The following CYTIP variants were observed in gnomAD, a reference collection of about 807,000 sequenced individuals.
CYTIP encodes the protein cytohesin 1 interacting protein.
A neutral mutation model predicts 43.8 loss-of-function variants in CYTIP; 26 were observed. That is an observed-to-expected ratio of 0.59 (90% CI 0.44 to 0.82). The LOEUF is 0.82. Among genes scored for constraint, CYTIP ranks in the 40% least tolerant of loss-of-function variants. The pLI, the probability that CYTIP is intolerant of heterozygous loss-of-function variation, is 0.00. For missense variants in CYTIP, 426 were observed against 443.1 expected (o/e 0.96, Z 0.35); for synonymous variants, 162 against 162.9 (o/e 0.99, Z 0.04).
intron 1 of CYTIP, among the ~76,000 whole-genome samples, chr2:157,440,428 A>G (rs75472264): frequency 6.6e-6 from 1 of 152,212 alleles, no homozygotes; most frequent in African/African-American, 2.4e-5. Flanking sequence ...ATGCCACAAT[A>G]CAGATTAAAG....
rs753255940 is a variant in CYTIP, at chr2:157,430,885, T to C, written c.357A>G (p.Pro119=). The C allele has an allele frequency of 6.2e-7, 1 of 1,612,958 alleles. No individual in the cohort carries two copies. The highest frequency in any genetic ancestry group is 8.5e-7 in the Non-Finnish European group (1 of 1,179,742). The change falls in exon 4 of 8, where the codon CCA becomes CCG. Residue 119 remains proline, a synonymous_variant. Coordinates refer to ENST00000264192, the MANE Select transcript of CYTIP (RefSeq NM_004288.5). ...TLICKIQEDS[P]AHCAGLQAGD... Reference sequence around the variant, plus strand: ...CAGCTTGCAGGCCAGCACAGTGAGCTGGGCTGTCCTCCTGTATTTTGCATA... The same window carrying C: ...CAGCTTGCAGGCCAGCACAGTGAGCCGGGCTGTCCTCCTGTATTTTGCATA...
intron 1 of CYTIP, among the ~76,000 whole-genome samples, chr2:157,441,556 G>A (rs1220129551): frequency 6.6e-6 from 1 of 151,602 alleles, no homozygotes; most frequent in Non-Finnish European, 1.5e-5. Context: ...ATTAGTATGG[G>A]GATGTGTGTG....
intron 3 of CYTIP, chr2:157,434,020 A>C (rs1364342988): frequency 3.4e-6 from 1 of 292,898 alleles, no homozygotes; most frequent in Non-Finnish European, 6.4e-6. Context: ...ATGATTATAC[A>C]AAACACATGC....
At chr2:157,419,507 G>A (rs1010511887) in intron 6 of CYTIP, among the ~76,000 whole-genome samples, 15 of 152,180 alleles carry the variant, frequency 9.9e-5, no homozygotes, top group Non-Finnish European at 1.9e-4. Context: ...ATCCCACAGA[G>A]GGGACTGAGG....
chr2:157,424,404 T>C (rs190553319), intron 6 of CYTIP, among the ~76,000 whole-genome samples: 38 of 152,264 alleles, frequency 2.5e-4, no homozygotes, highest in Admixed American at 1.8e-3. Flanking sequence ...ATAAGACCTA[T>C]ATGCATAAAA....
At chr2:157,421,141 T>C (rs573896248) in intron 6 of CYTIP, among the ~76,000 whole-genome samples, 1 of 152,352 alleles carries the variant, frequency 6.6e-6, no homozygotes, top group African/African-American at 2.4e-5. Flanking sequence ...GGTCTGTTTC[T>C]GCCTGTGTTA....
chr2:157,440,340 C>G (rs1455956603), intron 1 of CYTIP, among the ~76,000 whole-genome samples: 2 of 152,224 alleles, frequency 1.3e-5, no homozygotes, highest in African/African-American at 4.8e-5. Context: ...AACCGAAATA[C>G]AATACCGCCA....
At chr2:157,438,055 C>T (rs572059351) in intron 1 of CYTIP, among the ~76,000 whole-genome samples, 51 of 152,242 alleles carry the variant, frequency 3.3e-4, no homozygotes, top group African/African-American at 1.1e-3. Context: ...ATCATTATAT[C>T]GAAGAGACAT....
intron 1 of CYTIP, among the ~76,000 whole-genome samples, chr2:157,439,582 A>G (rs1685871147): frequency 6.6e-6 from 1 of 152,190 alleles, no homozygotes; most frequent in Non-Finnish European, 1.5e-5. Flanking sequence ...TAAGGGTTGT[A>G]GTGATGGCGC....
At chr2:157,438,054 T>C (rs1685841379) in intron 1 of CYTIP, among the ~76,000 whole-genome samples, 1 of 152,184 alleles carries the variant, frequency 6.6e-6, no homozygotes, top group Non-Finnish European at 1.5e-5. Context: ...AATCATTATA[T>C]CGAAGAGACA....
intron 1 of CYTIP, 102 bp from the exon 2 acceptor site, chr2:157,434,849 TCACACACACA>T (rs1214076041): frequency 5.5e-4 from 27 of 48,720 alleles, no homozygotes; most frequent in African/African-American, 2.3e-3. Context: ...TCTCTCTCTC[TCACACACACA>T]CACACACACA....
chr2:157,436,117 C>T (rs2105144583), intron 1 of CYTIP, among the ~76,000 whole-genome samples: 1 of 152,290 alleles, frequency 6.6e-6, no homozygotes, highest in East Asian at 1.9e-4. Flanking sequence ...GGCTTCAACT[C>T]ACTTATATCG....
Position 157,415,884 on chromosome 2 carries a change from A to T in CYTIP, c.873T>A (p.Asp291Glu). 6.2e-7 allele frequency: 1 copy of T among 1,614,232 alleles called. No individual in the cohort carries two copies. Among genetic ancestry groups the T allele is most frequent in the South Asian group, 1.1e-5 (1 of 91,082 alleles). Residue 291 changes from aspartate to glutamate, a missense_variant, in exon 8 of 8, where the codon GAT becomes GAA. Coordinates refer to ENST00000264192, the MANE Select transcript of CYTIP (RefSeq NM_004288.5). ...DDECFIPKEG[D>E]DFLRRSSSRR... Reference sequence around the variant, plus strand: ...TTGAAGATGACCTCCTCAGAAAATCATCCCCCTCCTTGGGGATAAAGCACT... The same window carrying T: ...TTGAAGATGACCTCCTCAGAAAATCTTCCCCCTCCTTGGGGATAAAGCACT...
chr2:157,441,032 C>A (rs1419162548), intron 1 of CYTIP, among the ~76,000 whole-genome samples: 1 of 151,880 alleles, frequency 6.6e-6, no homozygotes, highest in Non-Finnish European at 1.5e-5. Context: ...ATAATATGCA[C>A]ACAGAGAAAT....
At chr2:157,433,652 C>T (rs1443874204) in intron 3 of CYTIP, among the ~76,000 whole-genome samples, 1 of 151,916 alleles carries the variant, frequency 6.6e-6, no homozygotes, top group African/African-American at 2.4e-5. Flanking sequence ...GGTTAGACTT[C>T]ATTTGACCTA....
chr2:157,440,645 A>G (rs1242287753), intron 1 of CYTIP, among the ~76,000 whole-genome samples: 2 of 152,150 alleles, frequency 1.3e-5, no homozygotes, highest in African/African-American at 4.8e-5. Context: ...CACATTCCCT[A>G]TCTGAACTTA....
At chr2:157,432,884 G>A (rs940573282) in intron 3 of CYTIP, among the ~76,000 whole-genome samples, 1 of 152,106 alleles carries the variant, frequency 6.6e-6, no homozygotes, top group African/African-American at 2.4e-5. Flanking sequence ...TATACCAGAG[G>A]GAATTTACAG....
chr2:157,442,003 T>C lies in CYTIP; in HGVS notation c.174+1844A>G, dbSNP rs1279777088. 2.6e-5 allele frequency among the ~76,000 whole-genome samples: 4 copies of C among 152,126 alleles called. 1 individual carries two copies. The highest frequency in any genetic ancestry group is 9.7e-5 in the African/African-American group (4 of 41,424). ...AAAGCAGCCCAGCGCTGAGATCTCC[T>C]CTCACCTCCTACACACTAACCAGGT... On this transcript the variant is annotated intron_variant, in intron 1 of 7. Coordinates refer to ENST00000264192, the MANE Select transcript of CYTIP (RefSeq NM_004288.5).
chr2:157,419,961 C>T (rs1178651954), intron 6 of CYTIP, among the ~76,000 whole-genome samples: 5 of 152,188 alleles, frequency 3.3e-5, no homozygotes, highest in East Asian at 1.9e-4. Flanking sequence ...AATATAAAAT[C>T]GAGCAATAAA....
Sources: allele counts gnomAD v4.1 joint callset (sites outside exome capture counted in the v4.1 genomes callset), GRCh38; gene constraint gnomAD v4.1.1; transcripts MANE v1.5; gene names NCBI Gene and HGNC (gene_info 2026-07-23, HGNC 2026-07-21).